The following FSTL4 variants were observed in gnomAD, a reference collection of about 807,000 sequenced individuals.
FSTL4 encodes the protein follistatin-related protein 4.
FSTL4 carries 28 observed loss-of-function variants against 78.2 expected under a neutral mutation model. That is an observed-to-expected ratio of 0.36 (90% CI 0.27 to 0.49). The LOEUF (loss-of-function observed/expected upper bound fraction) is 0.49. Ranked by LOEUF, FSTL4 falls within the 20% of genes least tolerant of loss-of-function variation. FSTL4 has a pLI of 0.98. For missense variants in FSTL4, 922 were observed against 1,084.9 expected (o/e 0.85, Z 2.11); for synonymous variants, 422 against 440.5 (o/e 0.96, Z 0.53).
intron 3 of FSTL4, among the ~76,000 whole-genome samples, chr5:133,499,489 G>A (rs748288721): frequency 2.6e-5 from 4 of 151,988 alleles, no homozygotes; most frequent in Non-Finnish European, 5.9e-5. Context: ...AGGGTGGCGC[G>A]TCTAGTATCA....
At chr5:133,398,638 C>T (rs1756134225) in intron 4 of FSTL4, among the ~76,000 whole-genome samples, 1 of 152,216 alleles carries the variant, frequency 6.6e-6, no homozygotes, top group African/African-American at 2.4e-5. Context: ...CACCAGGCAG[C>T]GTGCTAAGTG....
intron 4 of FSTL4, among the ~76,000 whole-genome samples, chr5:133,360,454 A>T (rs1330604180): frequency 6.7e-6 from 1 of 148,404 alleles, no homozygotes; most frequent in Non-Finnish European, 1.5e-5. Context: ...TGTCTCTTAG[A>T]GTTTGTTTTC....
intron 6 of FSTL4, among the ~76,000 whole-genome samples, chr5:133,280,681 A>C (rs1752988425): frequency 6.6e-6 from 1 of 151,970 alleles, no homozygotes; most frequent in Non-Finnish European, 1.5e-5. Context: ...CTCCAAAACC[A>C]AGGCCCACTC....
At chr5:133,234,295 G>A (rs147880059) in intron 7 of FSTL4, among the ~76,000 whole-genome samples, 2 of 152,322 alleles carry the variant, frequency 1.3e-5, no homozygotes, top group Admixed American at 6.5e-5. Context: ...TAGGAAGGGC[G>A]GATGCCCATG....
At chr5:133,617,011 T>A (rs1400429969), upstream of FSTL4, among the ~76,000 whole-genome samples, 1 of 151,984 alleles carries the variant, frequency 6.6e-6, no homozygotes, top group East Asian at 1.9e-4. Context: ...GATCAAGAAG[T>A]CCTGTCTGGC....
chr5:133,398,514 C>T (rs928922898), intron 4 of FSTL4, among the ~76,000 whole-genome samples: 7 of 152,246 alleles, frequency 4.6e-5, no homozygotes, highest in African/African-American at 1.7e-4. Flanking sequence ...AGAACCCTTG[C>T]TCCTGCCTCT....
intron 3 of FSTL4, among the ~76,000 whole-genome samples, chr5:133,479,602 G>A (rs2112856657): frequency 6.6e-6 from 1 of 152,348 alleles, no homozygotes; most frequent in East Asian, 1.9e-4. Flanking sequence ...GACACATTGT[G>A]TATGAGTCCA....
intron 15 of FSTL4, among the ~76,000 whole-genome samples, chr5:133,200,035 C>A (rs182859128): frequency 3.9e-5 from 6 of 152,300 alleles, no homozygotes; most frequent in African/African-American, 9.6e-5. Context: ...GTAACATGCA[C>A]TCATCGTTGG....
chr5:133,771,508 C>T, the FSTL4 span, among the ~76,000 whole-genome samples: 20 of 152,052 alleles, frequency 1.3e-4, no homozygotes, highest in African/African-American at 4.8e-4. Flanking sequence ...AATGGAATTG[C>T]TTTCTTGATT....
At chr5:133,672,769 C>T in the FSTL4 span, among the ~76,000 whole-genome samples, 1 of 152,164 alleles carries the variant, frequency 6.6e-6, no homozygotes, top group Non-Finnish European at 1.5e-5. Context: ...TGCTTCTCAT[C>T]CCAAGAGATT....
At chr5:133,575,931 A>G (rs555995698) in intron 2 of FSTL4, among the ~76,000 whole-genome samples, 1 of 152,336 alleles carries the variant, frequency 6.6e-6, no homozygotes, top group South Asian at 2.1e-4. Flanking sequence ...TGACAGCCAA[A>G]TCATTTAAAA....
chr5:133,510,072 G>A (rs1045749590), intron 3 of FSTL4, among the ~76,000 whole-genome samples: 7 of 152,228 alleles, frequency 4.6e-5, no homozygotes, highest in African/African-American at 9.6e-5. Flanking sequence ...TATTTAGTAC[G>A]TTATATCCTT....
the FSTL4 span, among the ~76,000 whole-genome samples, chr5:133,802,802 T>C: frequency 1.3e-5 from 2 of 152,176 alleles, no homozygotes; most frequent in Non-Finnish European, 2.9e-5. Flanking sequence ...AGCCCCAGAC[T>C]CTCACCACAG....
chr5:133,473,914 G>A (rs539878095), intron 3 of FSTL4, among the ~76,000 whole-genome samples: 51 of 152,230 alleles, frequency 3.4e-4, no homozygotes, highest in South Asian at 2.3e-3. Flanking sequence ...GCATGGGGGA[G>A]CTGCCCCCAT....
the FSTL4 span, among the ~76,000 whole-genome samples, chr5:133,803,070 A>G: frequency 1.3e-5 from 2 of 152,166 alleles, no homozygotes; most frequent in Non-Finnish European, 2.9e-5. Context: ...TGAACAAACA[A>G]TCAGATAGAG....
chr5:133,212,686 G>A lies in FSTL4; in HGVS notation c.1609-2388C>T, dbSNP rs558104050. Among the ~76,000 whole-genome samples, 13 of 152,188 alleles carry A rather than the reference G, an allele frequency of 8.5e-5. 1 individual carries two copies. The Middle Eastern group carries it at 0.014, about 159-fold the overall frequency. On this transcript the variant is annotated intron_variant, in intron 13 of 15. Coordinates refer to ENST00000265342, the MANE Select transcript of FSTL4 (RefSeq NM_015082.2). ...TCCCAAAGAAGAGGTGAGAGAGAAC[G>A]AGGCAGCAGAATATATGAAAAAATA...
At chr5:133,591,598 G>A (rs544057205) in intron 2 of FSTL4, among the ~76,000 whole-genome samples, 20 of 152,120 alleles carry the variant, frequency 1.3e-4, no homozygotes, top group African/African-American at 4.6e-4. Context: ...CCTGGCCACA[G>A]GCAAATGGAT....
intron 3 of FSTL4, among the ~76,000 whole-genome samples, chr5:133,509,830 C>T (rs1345967369): frequency 6.6e-6 from 1 of 152,244 alleles, no homozygotes; most frequent in Non-Finnish European, 1.5e-5. Context: ...CTCTGTCTCT[C>T]CTGCTGCCCT....
chr5:133,740,977 ATGGG>A, the FSTL4 span, among the ~76,000 whole-genome samples: 73 of 144,370 alleles, frequency 5.1e-4, no homozygotes, highest in Non-Finnish European at 8.4e-4. Context: ...GGATGGATGG[ATGGG>A]AGGGTGAATG....
Sources: allele counts gnomAD v4.1 joint callset (sites outside exome capture counted in the v4.1 genomes callset), GRCh38; gene constraint gnomAD v4.1.1; transcripts MANE v1.5; gene names NCBI Gene and HGNC (gene_info 2026-07-23, HGNC 2026-07-21).